Variants in CAST observed in about 807,000 individuals in gnomAD.
The protein encoded by CAST is calpastatin, also known as MIR583 host.
CAST carries 76 observed loss-of-function variants against 119.6 expected under a neutral mutation model. The ratio of observed to expected loss-of-function variants is 0.64; its 90% CI spans 0.53 to 0.77. CAST has a LOEUF of 0.77. Among genes scored for constraint, CAST ranks in the 30% least tolerant of loss-of-function variants. The probability of loss-of-function intolerance (pLI) is 0.00; values close to 1 mark genes in which losing one functional copy is unlikely to be tolerated. For synonymous variants in CAST, 319 were observed against 331.6 expected (o/e 0.96, Z 0.41); for missense variants, 953 against 946.5 (o/e 1.01, Z -0.09).
chr5:96,433,326 G>A, the CAST span: 1 of 468,424 alleles, frequency 2.1e-6, no homozygotes, highest in South Asian at 2.1e-5. Flanking sequence ...CTTGACGTCA[G>A]ATCTACCTGG....
At chr5:96,699,144 G>A (rs1753616367) in intron 3 of CAST, among the ~76,000 whole-genome samples, 1 of 152,176 alleles carries the variant, frequency 6.6e-6, no homozygotes, top group Non-Finnish European at 1.5e-5. Context: ...TGAGGCTGCG[G>A]AAATTATACG....
chr5:96,465,989 C>T, the CAST span, among the ~76,000 whole-genome samples: 1 of 151,980 alleles, frequency 6.6e-6, no homozygotes, highest in Non-Finnish European at 1.5e-5. Flanking sequence ...CACAGAATTC[C>T]TTCTAGTCTT....
chr5:96,669,119 G>T (rs955702211), intron 1 of CAST, among the ~76,000 whole-genome samples: 30 of 152,234 alleles, frequency 2.0e-4, no homozygotes, highest in African/African-American at 7.0e-4. Context: ...GAACACAGCA[G>T]AAGTGGAACA....
chr5:96,156,468 C>T, the CAST span, among the ~76,000 whole-genome samples: 1 of 152,142 alleles, frequency 6.6e-6, no homozygotes, highest in Admixed American at 6.5e-5. Context: ...ACATGCATCT[C>T]TTTAGTATAA....
At chr5:96,169,188 C>T in the CAST span, among the ~76,000 whole-genome samples, 3 of 151,988 alleles carry the variant, frequency 2.0e-5, no homozygotes, top group Admixed American at 1.3e-4. Context: ...AGAATTATGC[C>T]GAGATAGGTA....
the CAST span, among the ~76,000 whole-genome samples, chr5:95,977,678 T>C: frequency 2.0e-5 from 3 of 152,102 alleles, no homozygotes; most frequent in Non-Finnish European, 4.4e-5. Flanking sequence ...AGTTCAGGGG[T>C]ACATGTGCAG....
intron 2 of CAST, chr5:96,679,680 AG>A (rs1751114195): frequency 6.6e-6 from 1 of 152,238 alleles, no homozygotes; most frequent in Admixed American, 6.5e-5. Context: ...TCTGCCTTAA[AG>A]GAAAAGATGT....
chr5:96,425,963 G>C, the CAST span: 1 of 1,222,330 alleles, frequency 8.2e-7, no homozygotes, highest in Admixed American at 1.7e-5. Flanking sequence ...AAAATCAAAA[G>C]TCAAATATCT....
At chr5:96,562,762 C>T (rs895710698) in intron 1 of CAST, among the ~76,000 whole-genome samples, 1 of 152,070 alleles carries the variant, frequency 6.6e-6, no homozygotes, top group African/African-American at 2.4e-5. Flanking sequence ...TGGTTAAATG[C>T]TTATGATATT....
chr5:96,352,332 A>G, the CAST span, among the ~76,000 whole-genome samples: 128 of 152,292 alleles, frequency 8.4e-4, 1 homozygote, highest in African/African-American at 3.0e-3. Flanking sequence ...AGTAAGCAGG[A>G]GTTACTTCAC....
chr5:96,634,934 A>G (rs1253572899), intron 1 of CAST, among the ~76,000 whole-genome samples: 1 of 152,246 alleles, frequency 6.6e-6, no homozygotes, highest in Non-Finnish European at 1.5e-5. Context: ...CTGGTTGGAA[A>G]GATGGATATT....
chr5:96,518,529 T>A, the CAST span, among the ~76,000 whole-genome samples: 3 of 152,308 alleles, frequency 2.0e-5, no homozygotes, highest in Middle Eastern at 3.4e-3. Flanking sequence ...ACAATAACAC[T>A]GAGTCTTCCC....
At chr5:96,648,334 A>T (rs1748045771) in intron 1 of CAST, among the ~76,000 whole-genome samples, 1 of 152,192 alleles carries the variant, frequency 6.6e-6, no homozygotes, top group Non-Finnish European at 1.5e-5. Context: ...AAGACTGTGA[A>T]TGCTTTATAT....
At chr5:96,623,775 C>A (rs1159559617) in intron 1 of CAST, among the ~76,000 whole-genome samples, 1 of 152,178 alleles carries the variant, frequency 6.6e-6, no homozygotes, top group African/African-American at 2.4e-5. Context: ...AAGCTCACTG[C>A]AGCTTCAACC....
the CAST span, chr5:96,213,699 G>A: frequency 6.6e-6 from 1 of 152,134 alleles, no homozygotes; most frequent in Non-Finnish European, 1.5e-5. Context: ...GCCAACGTGG[G>A]GGAATCTCTT....
At chr5:96,682,906 A>T (rs1449270504) in intron 2 of CAST, among the ~76,000 whole-genome samples, 2 of 152,034 alleles carry the variant, frequency 1.3e-5, no homozygotes, top group Non-Finnish European at 2.9e-5. Flanking sequence ...CAAGAAGGCC[A>T]CTTTGTACTT....
At chr5:96,677,152 C>T (rs573752758) in intron 2 of CAST, among the ~76,000 whole-genome samples, 124 of 152,176 alleles carry the variant, frequency 8.1e-4, no homozygotes, top group Non-Finnish European at 1.3e-3. Flanking sequence ...TAATATTGAG[C>T]AAATATTGAA....
At chr5:96,724,305 T>C (rs1758850102) in intron 4 of CAST, among the ~76,000 whole-genome samples, 1 of 152,032 alleles carries the variant, frequency 6.6e-6, no homozygotes, top group South Asian at 2.1e-4. Context: ...CTCAGTCTCC[T>C]GAGTAGCTGG....
chr5:96,626,792 C>T (rs74483096), intron 1 of CAST, among the ~76,000 whole-genome samples: 1 of 152,158 alleles, frequency 6.6e-6, no homozygotes, highest in African/African-American at 2.4e-5. Context: ...TTATCAGGAG[C>T]CCTGTCCTTC....
Sources: gnomAD v4.1 joint callset for allele counts (sites outside exome capture counted in the v4.1 genomes callset) on GRCh38, gnomAD v4.1.1 for gene constraint, MANE v1.5 for transcripts, NCBI Gene and HGNC (gene_info 2026-07-23, HGNC 2026-07-21) for gene names.